The following SRP54 variants were observed in gnomAD, a reference collection of about 807,000 sequenced individuals.
SRP54 encodes the protein signal recognition particle 54, also known as signal recognition particle subunit SRP54.
In SRP54, 10 loss-of-function variants were observed where a neutral mutation model predicts 64.8. That is an observed-to-expected ratio of 0.15 (90% CI 0.10 to 0.26). The LOEUF (loss-of-function observed/expected upper bound fraction) is 0.26, where lower values mean the gene tolerates loss of function less well. SRP54 is among the 10% of genes least tolerant of loss of function. The pLI is 1.00. For missense variants in SRP54, 325 were observed against 613.7 expected, an observed-to-expected ratio of 0.53 and a Z score of 4.97; for synonymous variants, 193 against 185.6, an observed-to-expected ratio of 1.04 and a Z score of -0.32.
chr14:34,995,630 T>A (rs1400979954), intron 1 of SRP54, among the ~76,000 whole-genome samples: 1 of 152,198 alleles, frequency 6.6e-6, no homozygotes, highest in Non-Finnish European at 1.5e-5. Flanking sequence ...TGTAATACTT[T>A]TATAAAACAG....
chr14:35,015,624 C>T (rs981552143), intron 11 of SRP54, among the ~76,000 whole-genome samples: 3 of 152,142 alleles, frequency 2.0e-5, no homozygotes, highest in African/African-American at 7.2e-5. Flanking sequence ...CTAACTACTT[C>T]ATATGGTTGT....
intron 13 of SRP54, among the ~76,000 whole-genome samples, chr14:35,020,421 T>A (rs1384459492): frequency 6.6e-6 from 1 of 152,188 alleles, no homozygotes; most frequent in African/African-American, 2.4e-5. Context: ...CTCTGTAGTA[T>A]TCGATGCTGT....
chr14:35,008,575 T>C (rs2044303787), intron 5 of SRP54, 52 bp from the exon 6 acceptor site: 1 of 1,215,794 alleles, frequency 8.2e-7, no homozygotes, highest in African/African-American at 1.6e-5. Flanking sequence ...AAATTATATG[T>C]ATAGTTTGTT....
chr14:35,013,284 G>T, intron 8 of SRP54, 62 bp from the exon 9 acceptor site: 1 of 1,458,062 alleles, frequency 6.9e-7, no homozygotes, highest in South Asian at 1.2e-5. Flanking sequence ...TTCTAATGAT[G>T]ACATTTGCTT....
chr14:34,995,539 A>AGGGCAG (rs1240810730), intron 1 of SRP54, among the ~76,000 whole-genome samples: 2 of 152,146 alleles, frequency 1.3e-5, no homozygotes, highest in African/African-American at 4.8e-5. Context: ...AAGCATCTTG[A>AGGGCAG]GGGCAGGGAC....
chr14:35,009,932 G>T (rs2044328274), intron 7 of SRP54, among the ~76,000 whole-genome samples: 1 of 151,850 alleles, frequency 6.6e-6, no homozygotes, highest in Non-Finnish European at 1.5e-5. Context: ...GGCGGATTAT[G>T]AGGTCAGGAG....
intron 13 of SRP54, among the ~76,000 whole-genome samples, chr14:35,020,666 GT>G (rs1053926341): frequency 1.3e-5 from 2 of 151,748 alleles, no homozygotes; most frequent in African/African-American, 4.8e-5. Context: ...TTTTAAGGTT[GT>G]TTTTTTTCCT....
At chr14:35,015,104 T>C (rs2139010459) in intron 11 of SRP54, among the ~76,000 whole-genome samples, 1 of 152,136 alleles carries the variant, frequency 6.6e-6, no homozygotes, top group East Asian at 1.9e-4. Flanking sequence ...TAAGACAGAG[T>C]CTCACTCTGT....
intron 8 of SRP54, among the ~76,000 whole-genome samples, chr14:35,012,283 T>A (rs1467212867): frequency 6.6e-6 from 1 of 152,078 alleles, no homozygotes; most frequent in Non-Finnish European, 1.5e-5. Flanking sequence ...TTTTAAAAAT[T>A]CAGTTGGAAA....
intron 2 of SRP54, among the ~76,000 whole-genome samples, 196 bp from the exon 3 acceptor site, chr14:34,999,362 G>A (rs988880549): frequency 6.6e-6 from 1 of 152,038 alleles, no homozygotes; most frequent in Non-Finnish European, 1.5e-5. Context: ...TAATACTTGG[G>A]TGTAAAACTA....
intron 1 of SRP54, among the ~76,000 whole-genome samples, chr14:34,987,772 T>A (rs2043921905): frequency 6.6e-6 from 1 of 152,200 alleles, no homozygotes; most frequent in Admixed American, 6.5e-5. Flanking sequence ...GATATCTTAT[T>A]AAGATTTTGA....
At chr14:34,995,278 T>C (rs2044055182) in intron 1 of SRP54, among the ~76,000 whole-genome samples, 1 of 151,850 alleles carries the variant, frequency 6.6e-6, no homozygotes, top group African/African-American at 2.4e-5. Flanking sequence ...TTTCAAGATC[T>C]GTAGGATGAG....
intron 4 of SRP54, among the ~76,000 whole-genome samples, chr14:35,004,086 TA>T (rs550751190): frequency 0.019 from 2,612 of 135,134 alleles, 52 homozygotes; most frequent in African/African-American, 0.059. Context: ...CTCTACTAAA[TA>T]AAAAAAAAAA....
chr14:35,013,765 C>G (rs760262819), intron 9 of SRP54, 37 bp from the exon 10 acceptor site: 1 of 1,551,048 alleles, frequency 6.4e-7, no homozygotes, highest in Non-Finnish European at 8.8e-7. Context: ...TTGTGGGGTT[C>G]TTTTGAGGTT....
intron 3 of SRP54, 87 bp from the exon 4 acceptor site, chr14:35,000,849 C>A: frequency 3.3e-6 from 2 of 599,024 alleles, no homozygotes; most frequent in Non-Finnish European, 5.6e-6. Context: ...GAATGTTGTA[C>A]ATTCTTTGGA....
rs1396026279 is a variant in SRP54 at position 35,028,945 on chromosome 14, A to C, written c.1424-116A>C. The stretch of plus-strand genomic sequence containing the variant: ...GTACGTTCTTTAAGGCTGATGACTA[A>C]ATTGCAATCAGAATTCAGTATTTTT... On this transcript the variant is annotated intron_variant, in intron 15 of 15. Coordinates refer to ENST00000216774, the MANE Select transcript of SRP54 (RefSeq NM_003136.4). 5 of 779,064 alleles carry C rather than the reference A, an allele frequency of 6.4e-6. No individual in the cohort carries two copies. In the East Asian group the frequency reaches 1.4e-4, roughly 21 times the overall value. 48.3% of individuals were successfully genotyped at this position (779,064 alleles called of 1,614,324 possible). A position where few individuals can be genotyped will look rare whatever the true frequency, so the allele number is the denominator to read the frequency against.
At chr14:35,019,899 G>C (rs2044497528) in intron 13 of SRP54, among the ~76,000 whole-genome samples, 1 of 152,184 alleles carries the variant, frequency 6.6e-6, no homozygotes, top group African/African-American at 2.4e-5. Context: ...TTGATTGTTG[G>C]CCGGGCGCAG....
At chr14:35,018,926 T>C in intron 12 of SRP54, 40 bp from the exon 13 acceptor site, 2 of 1,565,114 alleles carry the variant, frequency 1.3e-6, no homozygotes, top group African/African-American at 1.4e-5. Context: ...GAACCATTAA[T>C]CTTAAGCTAC....
At chr14:34,987,728 G>A (rs1310771171) in intron 1 of SRP54, among the ~76,000 whole-genome samples, 1 of 152,130 alleles carries the variant, frequency 6.6e-6, no homozygotes, top group African/African-American at 2.4e-5. Flanking sequence ...TATGAATAAT[G>A]CTGCTCTGAC....
Sources: gnomAD v4.1 joint callset for allele counts (sites outside exome capture counted in the v4.1 genomes callset) on GRCh38, gnomAD v4.1.1 for gene constraint, MANE v1.5 for transcripts, NCBI Gene and HGNC (gene_info 2026-07-23, HGNC 2026-07-21) for gene names.